FATE1: variants seen among roughly 807,000 people sequenced by gnomAD.
The protein encoded by FATE1 is fetal and adult testis expressed 1.
FATE1 carries 18 observed loss-of-function variants against 16.0 expected under a neutral mutation model. The observed-to-expected ratio is 1.12, with a 90% CI of 0.78 to 1.66. The LOEUF (loss-of-function observed/expected upper bound fraction) is 1.66, where lower values mean the gene tolerates loss of function less well. FATE1 is among the 40% of genes most tolerant of loss of function. The probability of loss-of-function intolerance (pLI) is 0.00; values close to 1 mark genes in which losing one functional copy is unlikely to be tolerated. For synonymous variants in FATE1, 76 were observed against 56.9 expected, an observed-to-expected ratio of 1.34 and a Z score of -1.51; for missense variants, 169 against 152.7, an observed-to-expected ratio of 1.11 and a Z score of -0.56.
intron 2 of FATE1, among the ~76,000 whole-genome samples, chrX:151,719,263 A>G (rs1185564770): frequency 8.9e-6 from 1 of 112,371 alleles, no homozygotes; most frequent in Non-Finnish European, 1.9e-5. Flanking sequence ...AACTGCCTCT[A>G]GGAGAACCAT....
intron 2 of FATE1, among the ~76,000 whole-genome samples, chrX:151,719,574 T>C (rs1316885583): frequency 8.9e-6 from 1 of 112,307 alleles, no homozygotes; most frequent in Non-Finnish European, 1.9e-5. Context: ...ACATCATTGA[T>C]CAAATTATAG....
At chrX:151,720,259 C>T (rs2015103314) in intron 2 of FATE1, among the ~76,000 whole-genome samples, 1 of 111,394 alleles carries the variant, frequency 9.0e-6, no homozygotes, top group Admixed American at 9.5e-5. Context: ...CGGGGGCCTC[C>T]TTTGTCAGCT....
chrX:151,716,107 A>G lies in FATE1; in HGVS notation c.-13A>G. The G allele has an allele frequency of 1.7e-6, 2 of 1,158,530 alleles. No homozygotes were observed. Among genetic ancestry groups the G allele is most frequent in the East Asian group, 3.3e-5 (1 of 30,638 alleles). ...ATCCTTAGCCATAGCTTACAAGAGA[A>G]CAGCTGGTTGTGATGGCAGGAGGCC... On this transcript the variant is annotated 5_prime_UTR_variant, in exon 1 of 5. Transcript: ENST00000370350.
intron 2 of FATE1, among the ~76,000 whole-genome samples, chrX:151,720,678 T>C (rs2015107449): frequency 8.9e-6 from 1 of 112,175 alleles, no homozygotes; most frequent in African/African-American, 3.2e-5. Flanking sequence ...GCTTAGAGGA[T>C]GGCATGGTCC....
At chrX:151,721,011 A>C (rs373136936) in intron 2 of FATE1, among the ~76,000 whole-genome samples, 89 of 112,869 alleles carry the variant, frequency 7.9e-4, no homozygotes, top group African/African-American at 2.8e-3. Context: ...ATCCTTGGAA[A>C]GTAAAGGCAT....
At chrX:151,722,596 G>T (rs1246802478) in intron 4 of FATE1, 32 bp from the exon 5 acceptor site, 2 of 1,211,248 alleles carry the variant, frequency 1.7e-6, no homozygotes. Flanking sequence ...GAAGAGCCTC[G>T]CTCAGCAGCC....
In FATE1 at chrX:151,722,681, G is replaced by T; in HGVS notation, c.474G>T (p.Trp158Cys). 1 of 1,212,177 alleles carries T rather than the reference G, an allele frequency of 8.2e-7. No individual in the cohort carries two copies. The highest frequency in any genetic ancestry group is 1.1e-6 in the Non-Finnish European group (1 of 895,470). The change falls in exon 5 of 5, where the codon TGG (tryptophan) becomes TGT (cysteine). Residue 158 changes from tryptophan to cysteine, a missense_variant. Trp to Cys is a radical substitution (Grantham distance 215). Coordinates refer to ENST00000370350, the MANE Select transcript of FATE1 (RefSeq NM_033085.3). The stretch of plus-strand genomic sequence containing the variant: ...CCCTGGAGGAACAGGGCGCCACCTG[G>T]CGCCACAGGGAGACCCTGATCATCG... Reference protein sequence around the residue: ...LRALEEQGATWRHRETLIIAV... With the variant: ...LRALEEQGATCRHRETLIIAV...
intron 4 of FATE1, 116 bp downstream of exon 4, chrX:151,722,097 G>A: frequency 1.6e-6 from 1 of 640,203 alleles, no homozygotes; most frequent in Non-Finnish European, 2.4e-6. Context: ...TAGCGCTGGA[G>A]GTGGGGCAGA....
intron 4 of FATE1, among the ~76,000 whole-genome samples, chrX:151,722,241 A>G (rs56766712): frequency 0.27 from 29,623 of 110,693 alleles, 3,843 homozygotes; most frequent in African/African-American, 0.48. Context: ...GGAACATACA[A>G]GGATAAGGGT....
At chrX:151,722,061 T>A in intron 4 of FATE1, 80 bp downstream of exon 4, 1 of 895,283 alleles carries the variant, frequency 1.1e-6, no homozygotes. Context: ...TGGGGTCCTG[T>A]AGTCCCTTAC....
chrX:151,717,350 C>T lies in FATE1; in HGVS notation c.185C>T (p.Ala62Val). 1 of 1,208,205 alleles carries T rather than the reference C, an allele frequency of 8.3e-7. No individual in the cohort carries two copies. The highest frequency in any genetic ancestry group is 2.4e-4 in the Middle Eastern group (1 of 4,097). Residue 62 changes from alanine to valine, a missense_variant, in exon 2 of 5, where the codon GCT becomes GTT. By Grantham distance (64) the Ala-to-Val change is moderately conservative. Transcript: ENST00000370350. ...TTGGAACAAAAAGCTGCTGGCTCTG[C>T]TTCAGCCAAACGAGTTTGGAATATG... ...QKLEQKAAGS[A>V]SAKRVWNMTA...
At chrX:151,717,227 T>G in intron 1 of FATE1, 45 bp from the exon 2 acceptor site, 1 of 1,177,462 alleles carries the variant, frequency 8.5e-7, no homozygotes, top group Non-Finnish European at 1.1e-6. Context: ...GAAACCCTGG[T>G]GCAACTTCTA....
At position 151,717,343 on chromosome X, in the gene FATE1, G is replaced by A. The variant is rs1488459589; in HGVS notation, c.178G>A (p.Gly60Ser). 4 of 1,206,754 alleles carry A rather than the reference G, an allele frequency of 3.3e-6. No individual in the cohort carries two copies. The highest frequency in any genetic ancestry group is 2.2e-5 in the Admixed American group (1 of 45,633). Residue 60 changes from glycine (G) to serine (S), a missense_variant, in exon 2 of 5, where the codon GGC becomes AGC. Transcript: ENST00000370350. ...GCAGAAGTTGGAACAAAAAGCTGCT[G>A]GCTCTGCTTCAGCCAAACGAGTTTG... ...KKQKLEQKAA[G>S]SASAKRVWNM...
intron 2 of FATE1, among the ~76,000 whole-genome samples, chrX:151,718,280 G>A (rs1198472466): frequency 2.7e-5 from 3 of 111,791 alleles, no homozygotes; most frequent in Non-Finnish European, 5.6e-5. Flanking sequence ...AAGAAATCCA[G>A]GCAAGTGAAT....
At chrX:151,718,259 G>GAA (rs2015084784) in intron 2 of FATE1, among the ~76,000 whole-genome samples, 1 of 111,493 alleles carries the variant, frequency 9.0e-6, no homozygotes, top group African/African-American at 3.3e-5. Context: ...AAGAAAGAAA[G>GAA]AGAAAGAAGA....
intron 2 of FATE1, among the ~76,000 whole-genome samples, chrX:151,721,190 G>A (rs930851453): frequency 5.3e-5 from 6 of 112,329 alleles, no homozygotes; most frequent in Non-Finnish European, 1.1e-4. Flanking sequence ...AAGAGCTACC[G>A]AGGAGCATGG....
rs372752436 is a variant in FATE1, at chrX:151,722,781, A to G, written c.*22A>G. The G allele has an allele frequency of 1.6e-5, 19 of 1,186,580 alleles. No homozygotes were observed. Among genetic ancestry groups the G allele is most frequent in the African/African-American group, 3.5e-5 (2 of 56,589 alleles). Reference sequence around the variant, plus strand: ...GTGATCGCCCCAGCGCGGCCTCCGTATTGGAGCCCTCCCTGCTTCCCCTTC... The same window carrying G: ...GTGATCGCCCCAGCGCGGCCTCCGTGTTGGAGCCCTCCCTGCTTCCCCTTC... On this transcript the variant is annotated 3_prime_UTR_variant, in exon 5 of 5. Transcript: ENST00000370350.
intron 2 of FATE1, among the ~76,000 whole-genome samples, chrX:151,719,256 T>G (rs1369662307): frequency 8.9e-6 from 1 of 112,344 alleles, no homozygotes; most frequent in Non-Finnish European, 1.9e-5. Flanking sequence ...TTAATGGAAC[T>G]GCCTCTAGGA....
intron 1 of FATE1, among the ~76,000 whole-genome samples, chrX:151,716,562 T>G (rs942464671): frequency 8.9e-6 from 1 of 111,861 alleles, no homozygotes; most frequent in Non-Finnish European, 1.9e-5. Flanking sequence ...AATCCTCCAA[T>G]TCATTTTCCT....
Sources: gnomAD v4.1 joint callset for allele counts (sites outside exome capture counted in the v4.1 genomes callset) on GRCh38, gnomAD v4.1.1 for gene constraint, MANE v1.5 for transcripts, NCBI Gene and HGNC (gene_info 2026-07-23, HGNC 2026-07-21) for gene names.